NFIX: variants seen among roughly 807,000 people sequenced by gnomAD.
NFIX encodes nuclear factor 1 X-type.
Under a neutral mutation model 53.3 loss-of-function variants are expected in NFIX, and 2 were observed. The ratio of observed to expected loss-of-function variants is 0.04; its 90% CI spans 0.02 to 0.12. The LOEUF is 0.12. Among genes scored for constraint, NFIX ranks in the 10% least tolerant of loss-of-function variants. The pLI, the probability that NFIX is intolerant of heterozygous loss-of-function variation, is 1.00. For synonymous variants in NFIX, 244 were observed against 289.0 expected (o/e 0.84, Z 1.58); for missense variants, 310 against 674.5 (o/e 0.46, Z 5.99).
Position 13,089,227 on chromosome 19 carries a change from A to G in NFIX, c.1403-1072A>G, listed in dbSNP as rs776655955. ...AGCTGGGCTACAGGGTTCGGGGGCC[A>G]CTTCTGGAGAGAGGTGGGCAGAATC... On this transcript the variant is annotated intron_variant, in intron 9 of 10. Transcript: ENST00000592199. This position sits in a 1 kb window ranked among gnomAD's most constrained non-coding sequence, Gnocchi z 4.8. 1.1e-4 allele frequency among the ~76,000 whole-genome samples: 16 copies of G among 152,094 alleles called. No individual in the cohort carries two copies. The highest frequency in any genetic ancestry group is 2.1e-4 in the Non-Finnish European group (14 of 68,010).
At chr19:13,054,973 G>A (rs887387153) in intron 2 of NFIX, among the ~76,000 whole-genome samples, 5 of 152,090 alleles carry the variant, frequency 3.3e-5, no homozygotes, top group African/African-American at 1.2e-4. Flanking sequence ...AAGAAAAGGA[G>A]CTTTTTACAA....
At chr19:13,084,560 G>T (rs1348281597) in intron 8 of NFIX, among the ~76,000 whole-genome samples, 29 of 152,344 alleles carry the variant, frequency 1.9e-4, no homozygotes. Context: ...CCAAGGCCAT[G>T]TGGAGACACT....
At chr19:13,029,827 G>C (rs994760232) in intron 2 of NFIX, among the ~76,000 whole-genome samples, 2 of 152,190 alleles carry the variant, frequency 1.3e-5, no homozygotes, top group Non-Finnish European at 2.9e-5. Flanking sequence ...TTAGGGTTTG[G>C]GGCTTTGTAG....
At chr19:13,026,840 A>G (rs562622573) in intron 2 of NFIX, among the ~76,000 whole-genome samples, 1 of 151,454 alleles carries the variant, frequency 6.6e-6, no homozygotes, top group South Asian at 2.1e-4. Context: ...AATTTGAGAG[A>G]ATGTGGCTTA....
chr19:13,067,463 CGTGTGTGTGTGTGTGTGTGCGTGTGTGT>C lies in NFIX; in HGVS notation c.560-5569_560-5542del, dbSNP rs1005383703. 2.3e-5 allele frequency among the ~76,000 whole-genome samples: 3 copies of C among 131,000 alleles called. No homozygotes were observed. The highest frequency in any genetic ancestry group is 2.4e-4 in the South Asian group (1 of 4,254). The allele number at this position is 131,000 out of a possible 152,430, so 85.9% of individuals were successfully genotyped here. A position where few individuals can be genotyped will look rare whatever the true frequency, so the allele number is the denominator to read the frequency against. ...AGTGGCACCTCCGTGTGTGTGCGCG[CGTGTGTGTGTGTGTGTGTGCGTGTGTGT>C]GTGTGTGTGTGTGTATGTGTGTGTC... On this transcript the variant is annotated intron_variant, in intron 2 of 10. Coordinates refer to ENST00000592199, the MANE Select transcript of NFIX (RefSeq NM_001365902.3). This position sits in a 1 kb window ranked among gnomAD's most constrained non-coding sequence, Gnocchi z 4.2.
chr19:13,059,603 A>G (rs917930131), intron 2 of NFIX, among the ~76,000 whole-genome samples: 2 of 152,188 alleles, frequency 1.3e-5, no homozygotes, highest in Admixed American at 1.3e-4. Context: ...TTCTTGGCCA[A>G]GTGTAAGCCA....
intron 1 of NFIX, 122 bp downstream of exon 1, chr19:12,995,986 G>T (rs1287770148): frequency 3.7e-6 from 1 of 270,086 alleles, no homozygotes; most frequent in African/African-American, 2.3e-5. Flanking sequence ...GCGGGCCGCC[G>T]AGGGGTGCAG....
intron 1 of NFIX, among the ~76,000 whole-genome samples, chr19:13,008,107 C>T (rs1421259733): frequency 6.6e-6 from 1 of 152,208 alleles, no homozygotes; most frequent in Non-Finnish European, 1.5e-5. Context: ...GGCACTACCC[C>T]TCAGCCCATG....
intron 8 of NFIX, among the ~76,000 whole-genome samples, chr19:13,084,569 C>G (rs1599867913): frequency 6.6e-6 from 1 of 152,194 alleles, no homozygotes. Flanking sequence ...TGTGGAGACA[C>G]TATGCAGAGG....
rs1396816284 is a variant in NFIX at position 13,042,674 on chromosome 19, CT to C, written c.559+17126del. Among the ~76,000 whole-genome samples the C allele has an allele frequency of 2.6e-5, 4 of 152,112 alleles. No homozygotes were observed. In the East Asian group the frequency reaches 7.7e-4, roughly 29 times the overall value. ...GCCTGGCCTGAAAAAGAAAAACATG[CT>C]TTTAAACAGCTTCATGAGATTTCAT... On this transcript the variant is annotated intron_variant, in intron 2 of 10. Coordinates refer to ENST00000592199, the MANE Select transcript of NFIX (RefSeq NM_001365902.3).
rs1007160164 is a variant in NFIX at position 13,022,806 on chromosome 19, C to T, written c.28-2215C>T. Among the ~76,000 whole-genome samples the T allele has an allele frequency of 3.9e-5, 6 of 152,146 alleles. No homozygotes were observed. Among genetic ancestry groups the T allele is most frequent in the African/African-American group, 1.4e-4 (6 of 41,424 alleles). On this transcript the variant is annotated intron_variant, in intron 1 of 10. Coordinates refer to ENST00000592199, the MANE Select transcript of NFIX (RefSeq NM_001365902.3). The surrounding 1 kb of genome is among the most constrained non-coding windows in gnomAD (Gnocchi z 4.5). ...GAGTCTTCCACAATCCCAGTCCCCCCCAATGCCCCACCCCACCCCCAGATT... is the reference window on the plus strand; with the variant it reads ...GAGTCTTCCACAATCCCAGTCCCCCTCAATGCCCCACCCCACCCCCAGATT...
rs1442629964 is a variant in NFIX at position 13,001,689 on chromosome 19, C to G, written c.27+5825C>G. ...ACGCACGTGTCTCCAGTGTCATCAC[C>G]CTCATATCACTGTGCCTCCTGAGCT... On this transcript the variant is annotated intron_variant, in intron 1 of 10. Transcript: ENST00000592199. This position sits in a 1 kb window ranked among gnomAD's most constrained non-coding sequence, Gnocchi z 6.5. Among the ~76,000 whole-genome samples, 3 of 152,168 alleles carry G rather than the reference C, an allele frequency of 2.0e-5. No individual in the cohort carries two copies. Among genetic ancestry groups the G allele is most frequent in the African/African-American group, 4.8e-5 (2 of 41,446 alleles).
At chr19:13,063,856 C>T (rs575148943) in intron 2 of NFIX, among the ~76,000 whole-genome samples, 1 of 152,220 alleles carries the variant, frequency 6.6e-6, no homozygotes, top group African/African-American at 2.4e-5. Context: ...AATAATTAGA[C>T]CAAGGGCAAG....
chr19:13,076,485 T>A (rs1237185081), intron 6 of NFIX, among the ~76,000 whole-genome samples: 1 of 152,116 alleles, frequency 6.6e-6, no homozygotes, highest in Non-Finnish European at 1.5e-5. Flanking sequence ...CATGAGCACA[T>A]GTGTGTGAGG....
At chr19:13,059,464 C>T (rs2015920101) in intron 2 of NFIX, among the ~76,000 whole-genome samples, 2 of 152,180 alleles carry the variant, frequency 1.3e-5, no homozygotes, top group East Asian at 1.9e-4. Flanking sequence ...GAGGAGGTAC[C>T]CCCAGCGTGA....
chr19:13,083,959 G>A (rs1391248715), intron 8 of NFIX, among the ~76,000 whole-genome samples: 1 of 152,220 alleles, frequency 6.6e-6, no homozygotes. Flanking sequence ...TGGCATGCGC[G>A]AGAGTCAACT....
chr19:13,087,588 G>A (rs1264666375), intron 8 of NFIX, among the ~76,000 whole-genome samples: 3 of 152,018 alleles, frequency 2.0e-5, no homozygotes, highest in Admixed American at 1.3e-4. Context: ...GGGGAGCCGG[G>A]GGAGCAGGGT....
chr19:13,087,487 G>A (rs1347446383), intron 8 of NFIX, among the ~76,000 whole-genome samples: 1 of 152,084 alleles, frequency 6.6e-6, no homozygotes. Context: ...CTGAGGACAT[G>A]TTGTGGGGTG....
Position 13,073,030 on chromosome 19 carries a change from T to C in NFIX, c.560-17T>C, listed in dbSNP as rs770493469. The C allele has an allele frequency of 5.0e-6, 8 of 1,613,510 alleles. No individual in the cohort carries two copies. Among genetic ancestry groups the C allele is most frequent in the South Asian group, 4.4e-5 (4 of 91,068 alleles). On this transcript the variant is annotated splice_polypyrimidine_tract_variant and intron_variant, in intron 2 of 10. Coordinates refer to ENST00000592199, the MANE Select transcript of NFIX (RefSeq NM_001365902.3). The surrounding 1 kb of genome is among the most constrained non-coding windows in gnomAD (Gnocchi z 4.5). ...ACTTTGCTCCTGATACATTCTCCCC[T>C]TTTGTGTCTCCTGCAGAATCCGGAC...
Sources: gnomAD v4.1 joint callset for allele counts (sites outside exome capture counted in the v4.1 genomes callset) on GRCh38, gnomAD v4.1.1 for gene constraint, Gnocchi (gnomAD v3.1) non-coding constraint, MANE v1.5 for transcripts, NCBI Gene and HGNC (gene_info 2026-07-23, HGNC 2026-07-21) for gene names.